CSMD1: variants seen among roughly 807,000 people sequenced by gnomAD.
CSMD1 encodes the protein CUB and Sushi multiple domains 1.
CSMD1 carries 213 observed loss-of-function variants against 417.5 expected under a neutral mutation model. The ratio of observed to expected loss-of-function variants is 0.51; its 90% CI spans 0.46 to 0.57. CSMD1 has a LOEUF of 0.57. Ranked by LOEUF, CSMD1 falls within the 20% of genes least tolerant of loss-of-function variation. The pLI, the probability that CSMD1 is intolerant of heterozygous loss-of-function variation, is 0.00. For synonymous variants in CSMD1, 2,862 were observed against 1,736.8 expected, an observed-to-expected ratio of 1.65 and a Z score of -16.11; for missense variants, 6,923 against 4,529.7, an observed-to-expected ratio of 1.53 and a Z score of -15.17.
At chr8:4,386,090 C>T (rs960282137) in intron 3 of CSMD1, among the ~76,000 whole-genome samples, 3 of 152,162 alleles carry the variant, frequency 2.0e-5, no homozygotes, top group East Asian at 1.9e-4. Flanking sequence ...GCTCTTCTCT[C>T]GCTGTACCCA....
chr8:2,963,039 A>C (rs908624752), intron 60 of CSMD1, among the ~76,000 whole-genome samples, 183 bp downstream of exon 60: 1 of 152,082 alleles, frequency 6.6e-6, no homozygotes, highest in Non-Finnish European at 1.5e-5. Flanking sequence ...CAGAGTGAGG[A>C]CCTGTCTCAA....
chr8:4,376,191 T>C (rs1584979727), intron 3 of CSMD1, among the ~76,000 whole-genome samples: 1 of 152,348 alleles, frequency 6.6e-6, no homozygotes, highest in East Asian at 1.9e-4. Context: ...AAAGAATTTA[T>C]TTTCTGCTGG....
intron 1 of CSMD1, among the ~76,000 whole-genome samples, chr8:4,934,591 A>G (rs1807471274): frequency 6.6e-6 from 1 of 152,156 alleles, no homozygotes; most frequent in African/African-American, 2.4e-5. Flanking sequence ...ACACAGGCCC[A>G]ATATAATGTC....
intron 2 of CSMD1, among the ~76,000 whole-genome samples, chr8:4,463,051 A>G (rs1368449793): frequency 6.6e-6 from 1 of 152,212 alleles, no homozygotes; most frequent in Non-Finnish European, 1.5e-5. Flanking sequence ...TAAAATATAA[A>G]TAACTTGCAT....
chr8:3,886,013 GTACATATATA>G (rs1563178039), intron 5 of CSMD1, among the ~76,000 whole-genome samples: 1 of 151,518 alleles, frequency 6.6e-6, no homozygotes, highest in Non-Finnish European at 1.5e-5. Context: ...ATATATATGT[GTACATATATA>G]TACATACATA....
intron 12 of CSMD1, among the ~76,000 whole-genome samples, chr8:3,418,744 G>A (rs1457407611): frequency 1.3e-5 from 2 of 152,088 alleles, no homozygotes; most frequent in Non-Finnish European, 2.9e-5. Flanking sequence ...TTTCCAAATT[G>A]GTGATCATGC....
intron 1 of CSMD1, among the ~76,000 whole-genome samples, chr8:4,825,063 T>C (rs1423184003): frequency 6.6e-6 from 1 of 152,108 alleles, no homozygotes; most frequent in Non-Finnish European, 1.5e-5. Flanking sequence ...CTGCAGTTTA[T>C]TCTCTCCCAT....
chr8:3,621,119 A>G (rs1325172895), intron 7 of CSMD1, among the ~76,000 whole-genome samples: 1 of 152,180 alleles, frequency 6.6e-6, no homozygotes, highest in African/African-American at 2.4e-5. Flanking sequence ...AGCGCTTAGA[A>G]GAAACCAACC....
At chr8:3,963,765 G>C (rs1812489118) in intron 5 of CSMD1, among the ~76,000 whole-genome samples, 1 of 152,026 alleles carries the variant, frequency 6.6e-6, no homozygotes, top group Non-Finnish European at 1.5e-5. Context: ...CAATAGTATA[G>C]TATATGTATA....
intron 9 of CSMD1, among the ~76,000 whole-genome samples, chr8:3,582,190 A>G (rs902803273): frequency 1.3e-5 from 2 of 152,242 alleles, no homozygotes; most frequent in East Asian, 3.8e-4. Context: ...TCAACAGCAA[A>G]GAACGATTCC....
intron 3 of CSMD1, among the ~76,000 whole-genome samples, chr8:4,108,660 C>T (rs764079700): frequency 4.6e-5 from 7 of 152,278 alleles, no homozygotes; most frequent in African/African-American, 1.2e-4. Flanking sequence ...CTGACACTTT[C>T]GACAAATTAT....
chr8:4,544,613 TAAATA>T (rs2130532583), intron 2 of CSMD1, among the ~76,000 whole-genome samples: 1 of 152,288 alleles, frequency 6.6e-6, no homozygotes, highest in African/African-American at 2.4e-5. Flanking sequence ...TCTTCAACTA[TAAATA>T]AAATAATACA....
At chr8:3,290,218 T>A (rs1344828357) in intron 25 of CSMD1, among the ~76,000 whole-genome samples, 1 of 147,462 alleles carries the variant, frequency 6.8e-6, no homozygotes, top group Non-Finnish European at 1.5e-5. Context: ...CATGCTGTTT[T>A]GGTTACTGTA....
At chr8:3,820,182 G>T (rs569259264) in intron 5 of CSMD1, among the ~76,000 whole-genome samples, 1 of 152,272 alleles carries the variant, frequency 6.6e-6, no homozygotes, top group Non-Finnish European at 1.5e-5. Flanking sequence ...TCTCCAAAGT[G>T]CTGGGTGCTA....
chr8:3,150,733 A>G (rs1219573675), intron 40 of CSMD1, among the ~76,000 whole-genome samples: 1 of 152,174 alleles, frequency 6.6e-6, no homozygotes, highest in Non-Finnish European at 1.5e-5. Flanking sequence ...AAATAAATGA[A>G]CTAAAATACG....
At chr8:3,591,903 G>C (rs1204477351) in intron 8 of CSMD1, among the ~76,000 whole-genome samples, 3 of 151,980 alleles carry the variant, frequency 2.0e-5, no homozygotes, top group African/African-American at 7.2e-5. Context: ...GCTGGATGGA[G>C]GAATATATGG....
intron 3 of CSMD1, among the ~76,000 whole-genome samples, chr8:4,064,243 T>C (rs1799127957): frequency 6.6e-6 from 1 of 152,238 alleles, no homozygotes; most frequent in African/African-American, 2.4e-5. Context: ...CATTCGCTGA[T>C]GGAAATACTT....
chr8:4,228,370 T>G lies in CSMD1; in HGVS notation c.415+191583A>C, dbSNP rs567085983. On this transcript the variant is annotated intron_variant, in intron 3 of 69. Transcript: ENST00000635120. ...CCCATTTTCCTTTCCAGTTTTCCTC[T>G]GAAACCGCTCATGTCAAGGTTATCT... 1.6e-4 allele frequency among the ~76,000 whole-genome samples: 24 copies of G among 152,166 alleles called. 1 individual carries two copies. Among genetic ancestry groups the G allele is most frequent in the Non-Finnish European group, 3.1e-4 (21 of 68,028 alleles).
At chr8:3,040,263 T>C (rs1433204819) in intron 50 of CSMD1, among the ~76,000 whole-genome samples, 6 of 151,940 alleles carry the variant, frequency 3.9e-5, no homozygotes. Flanking sequence ...CCATCAAAAA[T>C]ATTAACTTCA....
Sources: allele counts gnomAD v4.1 joint callset (sites outside exome capture counted in the v4.1 genomes callset), GRCh38; gene constraint gnomAD v4.1.1; transcripts MANE v1.5; gene names NCBI Gene and HGNC (gene_info 2026-07-23, HGNC 2026-07-21).